FOSL2: variants seen among roughly 807,000 people sequenced by gnomAD.
FOSL2 encodes the protein FOS like 2, AP-1 transcription factor subunit.
Under a neutral mutation model 27.7 loss-of-function variants are expected in FOSL2, and 3 were observed. The observed-to-expected ratio is 0.11, with a 90% CI of 0.05 to 0.28. The LOEUF (loss-of-function observed/expected upper bound fraction) is 0.28, where lower values mean the gene tolerates loss of function less well. FOSL2 is among the 10% of genes least tolerant of loss of function. The pLI, the probability that FOSL2 is intolerant of heterozygous loss-of-function variation, is 1.00. For synonymous variants in FOSL2, 179 were observed against 190.1 expected (o/e 0.94, Z 0.48); for missense variants, 333 against 445.1 (o/e 0.75, Z 2.27).
chr2:28,394,728 CG>C (rs542241331), intron 1 of FOSL2: 2 of 152,194 alleles, frequency 1.3e-5, no homozygotes, highest in East Asian at 1.9e-4. Flanking sequence ...GTGCTGTTGG[CG>C]GGGGGGTGCT....
chr2:28,405,906 G>A (rs1414425966), intron 2 of FOSL2, among the ~76,000 whole-genome samples: 3 of 152,142 alleles, frequency 2.0e-5, no homozygotes, highest in Admixed American at 6.6e-5. Context: ...GGAATCCAAG[G>A]TGCAAAGCCT....
chr2:28,393,637 G>T lies in FOSL2; in HGVS notation c.-84G>T. On this transcript the variant is annotated 5_prime_UTR_variant, in exon 1 of 4. Coordinates refer to ENST00000264716, the MANE Select transcript of FOSL2 (RefSeq NM_005253.4). This position sits in a 1 kb window ranked among gnomAD's most constrained non-coding sequence, Gnocchi z 4.6. ...CCCGCGGCGCGGCCGGCGGACGAAC[G>T]AGCGCGCAGCAGCCGGTGCGCGGCC... is the stretch of plus-strand genomic sequence containing the variant. 1 of 1,048,832 alleles carries T rather than the reference G, an allele frequency of 9.5e-7. No homozygotes were observed. Among genetic ancestry groups the T allele is most frequent in the South Asian group, 1.4e-5 (1 of 69,412 alleles). 65.0% of individuals were successfully genotyped at this position (1,048,832 alleles called of 1,614,324 possible).
chr2:28,405,440 G>C (rs1664056569), intron 2 of FOSL2, among the ~76,000 whole-genome samples: 1 of 152,200 alleles, frequency 6.6e-6, no homozygotes, highest in Non-Finnish European at 1.5e-5. Context: ...GTTATCCTGG[G>C]AAACTATTTC....
In FOSL2 at chr2:28,404,357, AG is replaced by A; in HGVS notation, c.354+1del. ...GTGGGCCGCAGGAGGAGAGATGAGC[AG>A]GTACAGCTCAGACCAGTGGGAAGGA... ...TTVGRRRRDE[Q>X]LSPEEEEKRR... is the part of the protein sequence containing the mutation. On this transcript the variant is annotated frameshift_variant and splice_region_variant, in exon 2 of 4. Coordinates refer to ENST00000264716, the MANE Select transcript of FOSL2 (RefSeq NM_005253.4). LOFTEE classifies it high-confidence loss of function. The surrounding 1 kb of genome is among the most constrained non-coding windows in gnomAD (Gnocchi z 4.7). 6.2e-7 allele frequency: 1 copy of A among 1,613,974 alleles called. No homozygotes were observed. Among genetic ancestry groups the A allele is most frequent in the Non-Finnish European group, 8.5e-7 (1 of 1,179,916 alleles).
In FOSL2 at chr2:28,412,637, A is replaced by C; in HGVS notation, c.*189A>C. On this transcript the variant is annotated 3_prime_UTR_variant, in exon 4 of 4. Transcript: ENST00000264716. The surrounding 1 kb of genome is among the most constrained non-coding windows in gnomAD (Gnocchi z 7.1). ...TGGAAGACTTGGGTTGATCTCTTAG[A>C]AGCCATGGGACCTCCTCCCTCATTC... 3.4e-6 allele frequency: 2 copies of C among 585,794 alleles called. No individual in the cohort carries two copies. Among genetic ancestry groups the C allele is most frequent in the Admixed American group, 3.0e-5 (1 of 33,396 alleles). 36.3% of individuals were successfully genotyped at this position (585,794 alleles called of 1,614,324 possible).
At chr2:28,409,013 A>G (rs982646605) in intron 3 of FOSL2, 147 bp downstream of exon 3, 1 of 555,484 alleles carries the variant, frequency 1.8e-6, no homozygotes, top group African/African-American at 1.9e-5. Flanking sequence ...CTTCCTTTGG[A>G]CACATGGGTC....
chr2:28,396,070 G>A (rs943738109), intron 1 of FOSL2, among the ~76,000 whole-genome samples: 6 of 152,014 alleles, frequency 3.9e-5, no homozygotes, highest in Admixed American at 3.9e-4. Context: ...TTAGTGGATG[G>A]GCCTTTCTCT....
chr2:28,401,880 C>T (rs1359690970), intron 1 of FOSL2, among the ~76,000 whole-genome samples: 1 of 152,216 alleles, frequency 6.6e-6, no homozygotes, highest in Non-Finnish European at 1.5e-5. Flanking sequence ...ATCCATTGTA[C>T]TGGGTAACTT....
Position 28,393,614 on chromosome 2 carries a change from C to T in FOSL2, c.-107C>T. The T allele has an allele frequency of 2.5e-6, 2 of 794,780 alleles. No individual in the cohort carries two copies. The highest frequency in any genetic ancestry group is 4.0e-6 in the Non-Finnish European group (2 of 498,002). 49.2% of individuals were successfully genotyped at this position (794,780 alleles called of 1,614,324 possible). On this transcript the variant is annotated 5_prime_UTR_variant, in exon 1 of 4. Coordinates refer to ENST00000264716, the MANE Select transcript of FOSL2 (RefSeq NM_005253.4). This position sits in a 1 kb window ranked among gnomAD's most constrained non-coding sequence, Gnocchi z 4.6. ...AAACCCAGGAGCGAAGCCCAGAGCC[C>T]GCGGCGCGGCCGGCGGACGAACGAG...
chr2:28,409,966 C>G (rs1352824724), intron 3 of FOSL2, among the ~76,000 whole-genome samples: 5 of 152,202 alleles, frequency 3.3e-5, no homozygotes, highest in African/African-American at 1.2e-4. Context: ...GTCTCGAACT[C>G]CTGACCTCGG....
At chr2:28,407,378 C>G (rs891220851) in intron 2 of FOSL2, among the ~76,000 whole-genome samples, 1 of 152,238 alleles carries the variant, frequency 6.6e-6, no homozygotes, top group Non-Finnish European at 1.5e-5. Context: ...TGTGGACTTC[C>G]CTCTGTGTGA....
chr2:28,398,896 A>G (rs1023579742), intron 1 of FOSL2, among the ~76,000 whole-genome samples: 6 of 152,256 alleles, frequency 3.9e-5, no homozygotes, highest in Admixed American at 3.9e-4. Flanking sequence ...GGAACATCCC[A>G]GGTTCAGTAA....
rs780388934 is a variant in FOSL2 at position 28,414,714 on chromosome 2, C to T, written c.*2266C>T. ...CCCCACTTTGTGCAGCAAAGATCCCCGTGCAGGTCACAGCCTGATTTGTGG... is the reference window on the plus strand; with the variant it reads ...CCCCACTTTGTGCAGCAAAGATCCCTGTGCAGGTCACAGCCTGATTTGTGG... On this transcript the variant is annotated 3_prime_UTR_variant, in exon 4 of 4. Transcript: ENST00000264716. 7 of 152,200 alleles carry T rather than the reference C, an allele frequency of 4.6e-5. No individual in the cohort carries two copies. The highest frequency in any genetic ancestry group is 7.3e-5 in the Non-Finnish European group (5 of 68,030). The allele number at this position is 152,200 out of a possible 1,614,324, so 9.4% of individuals were successfully genotyped here.
Position 28,403,785 on chromosome 2 carries a change from C to T in FOSL2, c.103-322C>T, listed in dbSNP as rs185387635. Reference sequence around the variant, plus strand: ...CTGGAGAGCTGCCAAGAGGGCCTGCCGAGTGTGAGTGCTGGGGACCACGTC... The same window carrying T: ...CTGGAGAGCTGCCAAGAGGGCCTGCTGAGTGTGAGTGCTGGGGACCACGTC... On this transcript the variant is annotated intron_variant, in intron 1 of 3. Transcript: ENST00000264716. 1.1e-3 allele frequency among the ~76,000 whole-genome samples: 163 copies of T among 152,252 alleles called. No individual in the cohort carries two copies. The South Asian group carries it at 0.021, about 19-fold the overall frequency.
Position 28,412,287 on chromosome 2 carries a change from A to C in FOSL2, c.820A>C (p.Thr274Pro). 1.2e-6 allele frequency: 2 copies of C among 1,613,448 alleles called. No homozygotes were observed. Among genetic ancestry groups the C allele is most frequent in the Non-Finnish European group, 1.7e-6 (2 of 1,179,840 alleles). ...CGTGGTGACCTCCACACCTGCTGTC[A>C]CTCCGGGCACCTCGAACCTCGTCTT... ...PIVVTSTPAV[T>P]PGTSNLVFTY... Residue 274 changes from threonine to proline, a missense_variant, in exon 4 of 4, where the codon ACT (threonine) becomes CCT (proline). Around this residue, in one of 4 missense-constraint regions of FOSL2, gnomAD observed 136 missense variants for 123.7 expected, o/e 1.10. Coordinates refer to ENST00000264716, the MANE Select transcript of FOSL2 (RefSeq NM_005253.4). The surrounding 1 kb of genome is among the most constrained non-coding windows in gnomAD (Gnocchi z 7.1).
In FOSL2 at chr2:28,404,205, A is replaced by G. The variant is rs954051840; in HGVS notation, c.201A>G (p.Thr67=). Reference sequence around the variant, plus strand: ...ACCTGCAGTGGATGGTGCAGCCCACAGTGATCACCTCCATGTCCAACCCAT... The same window carrying G: ...ACCTGCAGTGGATGGTGCAGCCCACGGTGATCACCTCCATGTCCAACCCAT... The part of the protein sequence containing the change: ...SQDLQWMVQP[T]VITSMSNPYP... The change falls in exon 2 of 4, where the codon ACA becomes ACG. Residue 67 remains threonine, a synonymous_variant. Transcript: ENST00000264716. The surrounding 1 kb of genome is among the most constrained non-coding windows in gnomAD (Gnocchi z 4.7). 6.2e-7 allele frequency: 1 copy of G among 1,614,064 alleles called. No individual in the cohort carries two copies. The highest frequency in any genetic ancestry group is 1.3e-5 in the African/African-American group (1 of 74,926).
chr2:28,411,980 T>C lies in FOSL2; in HGVS notation c.513T>C (p.Ala171=). 6.2e-7 allele frequency: 1 copy of C among 1,614,110 alleles called. No individual in the cohort carries two copies. The highest frequency in any genetic ancestry group is 8.5e-7 in the Non-Finnish European group (1 of 1,180,022). The change falls in exon 4 of 4, where the codon GCT becomes GCC. Residue 171 remains alanine, a synonymous_variant. Coordinates refer to ENST00000264716, the MANE Select transcript of FOSL2 (RefSeq NM_005253.4). ...EEKSGLQKEI[A]ELQKEKEKLE... is the part of the protein sequence containing the mutation. ...AGTCAGGCCTGCAGAAGGAGATTGC[T>C]GAGCTGCAGAAGGAGAAGGAGAAGC... is the stretch of plus-strand genomic sequence containing the variant.
rs975120664 is a variant in FOSL2 at position 28,404,919 on chromosome 2, G to T, written c.354+561G>T. ...AGGGCCTGGAATGCATGTTCCAGAG[G>T]TGCAGTAACTCTGGGGCCTTAGGAG... On this transcript the variant is annotated intron_variant, in intron 2 of 3. Transcript: ENST00000264716. The surrounding 1 kb of genome is among the most constrained non-coding windows in gnomAD (Gnocchi z 4.7). Among the ~76,000 whole-genome samples, 1 of 152,194 alleles carries T rather than the reference G, an allele frequency of 6.6e-6. No homozygotes were observed. Among genetic ancestry groups the T allele is most frequent in the Non-Finnish European group, 1.5e-5 (1 of 68,038 alleles).
chr2:28,409,683 G>A (rs2148096171), intron 3 of FOSL2, among the ~76,000 whole-genome samples: 1 of 152,364 alleles, frequency 6.6e-6, no homozygotes, highest in South Asian at 2.1e-4. Flanking sequence ...TCTGTCAGTG[G>A]TCCTCACAGT....
Sources: allele counts gnomAD v4.1 joint callset (sites outside exome capture counted in the v4.1 genomes callset), GRCh38; gene constraint gnomAD v4.1.1; regional missense constraint gnomAD v4.1.1; non-coding constraint Gnocchi (gnomAD v3.1); transcripts MANE v1.5; gene names NCBI Gene and HGNC (gene_info 2026-07-23, HGNC 2026-07-21).